Variants in MBD3L1 observed in about 807,000 individuals in gnomAD.
MBD3L1 encodes methyl-CpG-binding domain protein 3-like 1.
For missense variants in MBD3L1, 203 were observed against 230.1 expected (o/e 0.88, Z 0.76); for synonymous variants, 84 against 85.1 (o/e 0.99, Z 0.07).
chr19:8,839,059 G>GT (rs1236941361), intron 1 of MBD3L1, among the ~76,000 whole-genome samples: 1 of 151,810 alleles, frequency 6.6e-6, no homozygotes, highest in East Asian at 1.9e-4. Context: ...AATGATTTTT[G>GT]TTTTTTGTAA....
At chr19:8,838,899 T>C (rs1195754989) in intron 1 of MBD3L1, among the ~76,000 whole-genome samples, 1 of 152,146 alleles carries the variant, frequency 6.6e-6, no homozygotes, top group Admixed American at 6.5e-5. Context: ...CCTGGGACTA[T>C]GTGCAGACCG....
In MBD3L1 at chr19:8,842,948, C is replaced by T; in HGVS notation, c.270C>T (p.Ala90=). Residue 90 remains alanine, a synonymous_variant, in exon 3 of 3, where the codon GCC becomes GCT. Transcript: ENST00000595891. ...AACTTTCAAGCACTTTGGATCTTGC[C>T]AATACCTTGCAAAAACTTGTCCCTA... ...AGELSSTLDL[A]NTLQKLVPSY... The T allele has an allele frequency of 6.2e-7, 1 of 1,614,198 alleles. No homozygotes were observed. Among genetic ancestry groups the T allele is most frequent in the Non-Finnish European group, 8.5e-7 (1 of 1,180,022 alleles).
chr19:8,836,881 G>A (rs1028329863), intron 1 of MBD3L1, among the ~76,000 whole-genome samples: 3 of 152,098 alleles, frequency 2.0e-5, no homozygotes, highest in Non-Finnish European at 2.9e-5. Context: ...TGACATGTGG[G>A]CTCATATCAT....
chr19:8,833,843 C>T (rs2044419532), intron 1 of MBD3L1, among the ~76,000 whole-genome samples: 2 of 151,924 alleles, frequency 1.3e-5, no homozygotes, highest in African/African-American at 2.4e-5. Flanking sequence ...CAAAATTAGC[C>T]GGGCGTGGTG....
chr19:8,840,007 C>T (rs1008175066), intron 1 of MBD3L1, among the ~76,000 whole-genome samples: 8 of 151,932 alleles, frequency 5.3e-5, no homozygotes, highest in Admixed American at 2.0e-4. Flanking sequence ...CATGGCGAAA[C>T]CCCATCGCTA....
chr19:8,839,594 T>C (rs2044490398), intron 1 of MBD3L1, among the ~76,000 whole-genome samples: 1 of 152,162 alleles, frequency 6.6e-6, no homozygotes, highest in African/African-American at 2.4e-5. Flanking sequence ...TCAAGAGTCA[T>C]GTCAGATGAA....
At chr19:8,842,549 C>A in intron 2 of MBD3L1, 109 bp from the exon 3 acceptor site, 2 of 775,638 alleles carry the variant, frequency 2.6e-6, no homozygotes, top group Non-Finnish European at 4.1e-6. Context: ...TCAGACCTAT[C>A]CCCAGAGGGA....
Position 8,842,924 on chromosome 19 carries a change from A to T in MBD3L1, c.246A>T (p.Glu82Asp), listed in dbSNP as rs2145359897. 1 of 1,614,234 alleles carries T rather than the reference A, an allele frequency of 6.2e-7. No individual in the cohort carries two copies. The highest frequency in any genetic ancestry group is 2.2e-5 in the East Asian group (1 of 44,888). Reference protein sequence around the residue: ...QGLQAYSSAGELSSTLDLANT... With the variant: ...QGLQAYSSAGDLSSTLDLANT... ...TCCAGGCTTACAGCAGTGCAGGAGA[A>T]CTTTCAAGCACTTTGGATCTTGCCA... is the stretch of plus-strand genomic sequence containing the variant. Residue 82 changes from glutamate to aspartate, a missense_variant, in exon 3 of 3, where the codon GAA becomes GAT. Glu to Asp is a conservative substitution (Grantham distance 45, BLOSUM62 2). Transcript: ENST00000595891.
At chr19:8,838,500 G>A (rs1037185663) in intron 1 of MBD3L1, among the ~76,000 whole-genome samples, 5 of 152,046 alleles carry the variant, frequency 3.3e-5, no homozygotes, top group Admixed American at 3.3e-4. Context: ...ACAGAACACA[G>A]GCTGTCTGGT....
intron 1 of MBD3L1, among the ~76,000 whole-genome samples, chr19:8,836,709 C>A (rs774267280): frequency 1.3e-5 from 2 of 152,172 alleles, no homozygotes; most frequent in Non-Finnish European, 2.9e-5. Context: ...AGAGGCTAGT[C>A]TCGAACTCCT....
intron 1 of MBD3L1, among the ~76,000 whole-genome samples, chr19:8,840,391 T>G (rs1387123580): frequency 6.6e-6 from 1 of 152,150 alleles, no homozygotes; most frequent in African/African-American, 2.4e-5. Context: ...AACCTCGACC[T>G]CCTGGGCTCA....
Position 8,842,930 on chromosome 19 carries a change from A to C in MBD3L1, c.252A>C (p.Ser84=), listed in dbSNP as rs762369167. 27 of 1,614,196 alleles carry C rather than the reference A, an allele frequency of 1.7e-5. No homozygotes were observed. Among genetic ancestry groups the C allele is most frequent in the Non-Finnish European group, 2.3e-5 (27 of 1,180,022 alleles). The change falls in exon 3 of 3, where the codon TCA becomes TCC. Residue 84 remains serine (S), a synonymous_variant. Transcript: ENST00000595891. ...CTTACAGCAGTGCAGGAGAACTTTC[A>C]AGCACTTTGGATCTTGCCAATACCT... ...LQAYSSAGEL[S]STLDLANTLQ...
At chr19:8,838,924 A>C (rs1180185728) in intron 1 of MBD3L1, among the ~76,000 whole-genome samples, 1 of 152,198 alleles carries the variant, frequency 6.6e-6, no homozygotes, top group African/African-American at 2.4e-5. Context: ...CTTTTGGAAC[A>C]GAATGTCATG....
chr19:8,840,050 G>C (rs1005440691), intron 1 of MBD3L1, among the ~76,000 whole-genome samples: 2 of 152,060 alleles, frequency 1.3e-5, no homozygotes, highest in African/African-American at 2.4e-5. Context: ...TGGACATAGA[G>C]GTATGTGCCT....
At chr19:8,837,734 C>T (rs2044469348) in intron 1 of MBD3L1, among the ~76,000 whole-genome samples, 1 of 152,198 alleles carries the variant, frequency 6.6e-6, no homozygotes, top group African/African-American at 2.4e-5. Flanking sequence ...ATAGTCACTT[C>T]CGGCTACCTT....
Position 8,843,237 on chromosome 19 carries a change from C to A in MBD3L1, c.559C>A (p.Gln187Lys), listed in dbSNP as rs771748980. The A allele has an allele frequency of 6.3e-7, 1 of 1,597,404 alleles. No homozygotes were observed. Residue 187 changes from glutamine to lysine, a missense_variant, in exon 3 of 3, where the codon CAA becomes AAA. By Grantham distance (53) the Gln-to-Lys change is moderately conservative. Coordinates refer to ENST00000595891, the MANE Select transcript of MBD3L1 (RefSeq NM_001393532.1). ...LANEAEKVRD[Q>K]EGRPEKR ...TAATGAGGCAGAGAAAGTGAGAGAC[C>A]AAGAAGGCCGTCCTGAAAAACGCTA...
intron 2 of MBD3L1, among the ~76,000 whole-genome samples, chr19:8,842,334 A>AAG (rs199925591): frequency 2.0e-5 from 3 of 150,818 alleles, no homozygotes; most frequent in African/African-American, 4.9e-5. Context: ...AAAAAAAAAA[A>AAG]GGCAAGATTT....
At position 8,843,170 on chromosome 19, in the gene MBD3L1, CAG is replaced by C. The variant is rs1254325168; in HGVS notation, c.500_501del (p.Arg167ThrfsTer12). Reference protein sequence around the residue: ...RKQEGKVKTVRERLAIALIAD... With the variant: ...RKQEGKVKTVXERLAIALIAD... The stretch of plus-strand genomic sequence containing the variant: ...AACAGGAAGGGAAAGTGAAGACAGT[CAG>C]AGAGAGACTCGCAATAGCACTGATT... On this transcript the variant is annotated frameshift_variant, in exon 3 of 3. Coordinates refer to ENST00000595891, the MANE Select transcript of MBD3L1 (RefSeq NM_001393532.1). LOFTEE classifies it low-confidence loss of function (END_TRUNC). 1.2e-6 allele frequency: 2 copies of C among 1,613,668 alleles called. No homozygotes were observed. The highest frequency in any genetic ancestry group is 3.3e-5 in the Admixed American group (2 of 59,918).
At chr19:8,834,183 C>A (rs1471261577) in intron 1 of MBD3L1, among the ~76,000 whole-genome samples, 1 of 152,162 alleles carries the variant, frequency 6.6e-6, no homozygotes, top group East Asian at 1.9e-4. Flanking sequence ...CAAAAATATC[C>A]ATTTTCAGGT....
Sources: gnomAD v4.1 joint callset for allele counts (sites outside exome capture counted in the v4.1 genomes callset) on GRCh38, gnomAD v4.1.1 for gene constraint, MANE v1.5 for transcripts, NCBI Gene and HGNC (gene_info 2026-07-23, HGNC 2026-07-21) for gene names.